ANK2: variants seen among roughly 807,000 people sequenced by gnomAD.
ANK2 encodes ankyrin-2.
A neutral mutation model predicts 360.5 loss-of-function variants in ANK2; 83 were observed. The ratio of observed to expected loss-of-function variants is 0.23; its 90% CI spans 0.19 to 0.28. The LOEUF (loss-of-function observed/expected upper bound fraction) is 0.28. ANK2 is among the 10% of genes least tolerant of loss of function. The pLI, the probability that ANK2 is intolerant of heterozygous loss-of-function variation, is 1.00. For missense variants in ANK2, 4,201 were observed against 4,795.7 expected (o/e 0.88, Z 3.66); for synonymous variants, 1,740 against 1,759.5 (o/e 0.99, Z 0.28).
At chr4:112,792,233 G>A in the ANK2 span, among the ~76,000 whole-genome samples, 7 of 151,746 alleles carry the variant, frequency 4.6e-5, no homozygotes, top group Non-Finnish European at 7.4e-5. Flanking sequence ...TAGAGACAGG[G>A]TTACTCCATG....
chr4:112,857,252 A>G (rs2066669165), intron 1 of ANK2, among the ~76,000 whole-genome samples: 1 of 152,192 alleles, frequency 6.6e-6, no homozygotes, highest in Non-Finnish European at 1.5e-5. Flanking sequence ...ACAATTAACA[A>G]TAGCCATGTG....
intron 1 of ANK2, among the ~76,000 whole-genome samples, chr4:113,107,984 G>GA (rs1716948086): frequency 6.6e-6 from 1 of 152,140 alleles, no homozygotes; most frequent in African/African-American, 2.4e-5. Context: ...TTAAAGTGGA[G>GA]AAAAAACTGA....
At chr4:113,291,330 T>C (rs29347) in intron 20 of ANK2, among the ~76,000 whole-genome samples, 7 of 152,382 alleles carry the variant, frequency 4.6e-5, no homozygotes, top group Admixed American at 3.9e-4. Context: ...GTCCCTGTAA[T>C]AGCCAAAGGC....
At chr4:112,957,441 G>C (rs2029862381) in intron 2 of ANK2, among the ~76,000 whole-genome samples, 1 of 152,194 alleles carries the variant, frequency 6.6e-6, no homozygotes, top group Non-Finnish European at 1.5e-5. Context: ...GCAACCATCC[G>C]ATTTCTCAAT....
intron 40 of ANK2, among the ~76,000 whole-genome samples, chr4:113,364,582 C>T (rs2096426555): frequency 6.6e-6 from 1 of 152,202 alleles, no homozygotes; most frequent in Admixed American, 6.5e-5. Context: ...GTTTCTGCTT[C>T]CTTTACTCAT....
chr4:112,756,979 A>G, the ANK2 span, among the ~76,000 whole-genome samples: 1 of 152,130 alleles, frequency 6.6e-6, no homozygotes, highest in Non-Finnish European at 1.5e-5. Context: ...TCTCAAAAGA[A>G]AAAGGAAAGT....
chr4:112,941,346 G>T (rs1050551831), intron 2 of ANK2, among the ~76,000 whole-genome samples: 2 of 144,526 alleles, frequency 1.4e-5, no homozygotes, highest in African/African-American at 2.5e-5. Flanking sequence ...CATATAAAAA[G>T]TTATATATTA....
upstream of ANK2, among the ~76,000 whole-genome samples, chr4:112,813,038 G>C (rs147880235): frequency 7.8e-3 from 1,188 of 152,068 alleles, 37 homozygotes; most frequent in East Asian, 0.071. Context: ...AGGAGTTCGA[G>C]ACCAGCCTGG....
chr4:113,349,834 T>A lies in ANK2; in HGVS notation c.4405-394T>A, dbSNP rs867164786. Among the ~76,000 whole-genome samples the A allele has an allele frequency of 6.2e-4, 94 of 152,276 alleles. 2 individuals carry two copies. The Middle Eastern group carries it at 0.027, about 44-fold the overall frequency. On this transcript the variant is annotated intron_variant, in intron 36 of 45. Coordinates refer to ENST00000357077, the MANE Select transcript of ANK2 (RefSeq NM_001148.6). Reference sequence around the variant, plus strand: ...ATTAACGATAATGAAACTACTTCTGTAGAACACATCACCCTAGTGTTGCTG... The same window carrying A: ...ATTAACGATAATGAAACTACTTCTGAAGAACACATCACCCTAGTGTTGCTG...
intron 1 of ANK2, among the ~76,000 whole-genome samples, chr4:112,892,398 A>C (rs944751163): frequency 1.3e-5 from 2 of 152,248 alleles, no homozygotes; most frequent in Non-Finnish European, 2.9e-5. Context: ...TCTACCTTAT[A>C]GGGCTGTTGT....
At chr4:112,930,107 T>C (rs1333429999) in intron 2 of ANK2, among the ~76,000 whole-genome samples, 5 of 151,846 alleles carry the variant, frequency 3.3e-5, no homozygotes, top group Non-Finnish European at 7.4e-5. Context: ...TGATCAGAAA[T>C]GAAAGCTCCC....
rs77792677 is a variant in ANK2, at chr4:113,067,953, A to T, written c.84+18141A>T. Among the ~76,000 whole-genome samples the T allele has an allele frequency of 4.1e-3, 628 of 152,324 alleles. 24 individuals are homozygous for T. In the East Asian group the frequency reaches 0.094, roughly 23 times the overall value. On this transcript the variant is annotated intron_variant, in intron 1 of 45. Coordinates refer to ENST00000357077, the MANE Select transcript of ANK2 (RefSeq NM_001148.6). ...TCTTGCTAATACTGATCACACAGTC[A>T]CTATGTTCCCGGAGCCACTCAGTAA...
chr4:113,152,765 A>T (rs1320896374), intron 1 of ANK2, among the ~76,000 whole-genome samples: 1 of 151,904 alleles, frequency 6.6e-6, no homozygotes, highest in Non-Finnish European at 1.5e-5. Flanking sequence ...TTTAAGTTTG[A>T]TGGTGTGCAC....
At chr4:112,880,102 T>G (rs2076306658) in intron 1 of ANK2, among the ~76,000 whole-genome samples, 1 of 152,014 alleles carries the variant, frequency 6.6e-6, no homozygotes, top group Admixed American at 6.6e-5. Flanking sequence ...ATATACTCTC[T>G]TACAGCTTTA....
intron 2 of ANK2, among the ~76,000 whole-genome samples, chr4:112,992,091 A>T (rs1040937090): frequency 1.3e-5 from 2 of 151,812 alleles, no homozygotes; most frequent in Non-Finnish European, 2.9e-5. Flanking sequence ...TTTATTATGA[A>T]CCTCAAAACT....
chr4:112,858,210 A>G (rs947360127), intron 1 of ANK2, among the ~76,000 whole-genome samples: 8 of 148,492 alleles, frequency 5.4e-5, no homozygotes, highest in East Asian at 2.1e-4. Context: ...TTTTTTGAGT[A>G]TAAACTCCTA....
chr4:112,934,268 C>G (rs966151343), intron 2 of ANK2, among the ~76,000 whole-genome samples: 4 of 152,010 alleles, frequency 2.6e-5, no homozygotes, highest in Non-Finnish European at 5.9e-5. Context: ...TGAAGTTTTC[C>G]GAGGAAGCTA....
intron 1 of ANK2, among the ~76,000 whole-genome samples, chr4:112,830,544 G>A (rs556994623): frequency 2.0e-5 from 3 of 152,252 alleles, no homozygotes; most frequent in African/African-American, 4.8e-5. Flanking sequence ...GGTACTTATC[G>A]GTTACTATGG....
chr4:112,885,665 C>T (rs1456244030), intron 1 of ANK2, among the ~76,000 whole-genome samples: 2 of 151,224 alleles, frequency 1.3e-5, no homozygotes, highest in Non-Finnish European at 3.0e-5. Context: ...GGCGTGGTGG[C>T]GGGCACCTGT....
Sources: allele counts gnomAD v4.1 joint callset (sites outside exome capture counted in the v4.1 genomes callset), GRCh38; gene constraint gnomAD v4.1.1; transcripts MANE v1.5; gene names NCBI Gene and HGNC (gene_info 2026-07-23, HGNC 2026-07-21).